SEC63: variants seen among roughly 807,000 people sequenced by gnomAD.
SEC63 encodes translocation protein SEC63 homolog.
A neutral mutation model predicts 116.2 loss-of-function variants in SEC63; 56 were observed. The observed-to-expected ratio is 0.48, with a 90% CI of 0.39 to 0.60. SEC63 has a LOEUF of 0.60. Ranked by LOEUF, SEC63 falls within the 20% of genes least tolerant of loss-of-function variation. The pLI is 0.00. For missense variants in SEC63, 668 were observed against 900.0 expected (o/e 0.74, Z 3.30); for synonymous variants, 273 against 294.6 (o/e 0.93, Z 0.75).
rs543723846 is a variant in SEC63 at position 107,886,763 on chromosome 6, T to C, written c.1675-3617A>G. Among the ~76,000 whole-genome samples the C allele has an allele frequency of 6.1e-4, 93 of 152,270 alleles. No homozygotes were observed. The South Asian group carries it at 6.4e-3, about 11-fold the overall frequency. On this transcript the variant is annotated intron_variant, in intron 16 of 20. Coordinates refer to ENST00000369002, the MANE Select transcript of SEC63 (RefSeq NM_007214.5). Reference sequence around the variant, plus strand: ...TTGTAGATTCTGGCTATCAGCCCTGTGTCAGATGGATAGATTATAAAAACT... The same window carrying C: ...TTGTAGATTCTGGCTATCAGCCCTGCGTCAGATGGATAGATTATAAAAACT...
In SEC63 at chr6:107,902,716, TTA is replaced by T. The variant is rs912091702; in HGVS notation, c.1209+126_1209+127del. ...TAACAGAACCACCTGAGAGAAAGTT[TTA>T]GAGTATTTAAGACATTCTAAATCTA... On this transcript the variant is annotated intron_variant, in intron 12 of 20. Coordinates refer to ENST00000369002, the MANE Select transcript of SEC63 (RefSeq NM_007214.5). 81 of 878,984 alleles carry T rather than the reference TTA, an allele frequency of 9.2e-5. No individual in the cohort carries two copies. In the Admixed American group the frequency reaches 1.6e-3, roughly 18 times the overall value. The allele number at this position is 878,984 out of a possible 1,614,324, so 54.4% of individuals were successfully genotyped here. A position where few individuals can be genotyped will look rare whatever the true frequency, so the allele number is the denominator to read the frequency against.
At chr6:107,918,562 C>T (rs954494074) in intron 4 of SEC63, among the ~76,000 whole-genome samples, 4 of 151,832 alleles carry the variant, frequency 2.6e-5, no homozygotes, top group Non-Finnish European at 5.9e-5. Flanking sequence ...CATGGTGGTG[C>T]ATGCCTGTAG....
intron 1 of SEC63, among the ~76,000 whole-genome samples, chr6:107,940,843 C>A (rs778719854): frequency 6.7e-6 from 1 of 149,164 alleles, no homozygotes; most frequent in Non-Finnish European, 1.5e-5. Flanking sequence ...TTACCTGGGA[C>A]GCGGGGAGGG....
Position 107,929,502 on chromosome 6 carries a change from A to T in SEC63, c.137T>A (p.Leu46Ter), listed in dbSNP as rs1252106849. 6.3e-7 allele frequency: 1 copy of T among 1,592,556 alleles called. No individual in the cohort carries two copies. The highest frequency in any genetic ancestry group is 8.6e-7 in the Non-Finnish European group (1 of 1,160,784). Reference sequence around the variant, plus strand: ...TCCATATACTTTTCTGATATTCTTTAATCGAATTTGCTCTGTCAAGAAAGA... The same window carrying T: ...TCCATATACTTTTCTGATATTCTTTTATCGAATTTGCTCTGTCAAGAAAGA... ...PRDQNAEQIR[L>*]KNIRKVYGRC... Residue 46 changes from leucine (L) to a stop codon, truncating the protein, a stop_gained, in exon 2 of 21, where the codon TTA becomes TAA. Transcript: ENST00000369002. LOFTEE classifies it high-confidence loss of function.
At chr6:107,928,262 C>T (rs1171715741) in intron 2 of SEC63, among the ~76,000 whole-genome samples, 1 of 152,050 alleles carries the variant, frequency 6.6e-6, no homozygotes, top group African/African-American at 2.4e-5. Context: ...GCAGGCAGAC[C>T]ACTTGAGCCC....
chr6:107,892,541 G>GACCT (rs1384499164), intron 16 of SEC63, among the ~76,000 whole-genome samples: 1 of 152,002 alleles, frequency 6.6e-6, no homozygotes, highest in Non-Finnish European at 1.5e-5. Context: ...GATGAAAGAT[G>GACCT]ACCTCACTGA....
rs574556321 is a variant in SEC63, at chr6:107,914,740, T to C, written c.453-1313A>G. Among the ~76,000 whole-genome samples the C allele has an allele frequency of 1.5e-3, 228 of 152,308 alleles. 1 individual carries two copies. The highest frequency in any genetic ancestry group is 5.4e-3 in the African/African-American group (225 of 41,586). ...CAACTGTCCACCCAACTCAGAGTTTTAGCTTGTTTCTTTCACTATTGTCTT... is the reference window on the plus strand; with the variant it reads ...CAACTGTCCACCCAACTCAGAGTTTCAGCTTGTTTCTTTCACTATTGTCTT... On this transcript the variant is annotated intron_variant, in intron 4 of 20. Transcript: ENST00000369002.
At chr6:107,953,756 C>T (rs1424419399) in intron 1 of SEC63, among the ~76,000 whole-genome samples, 17 of 49,870 alleles carry the variant, frequency 3.4e-4, no homozygotes, top group African/African-American at 1.1e-3. Flanking sequence ...GGGGGTTCAG[C>T]CCCCCGCCCG....
chr6:107,903,479 T>C (rs1026400884), intron 11 of SEC63, among the ~76,000 whole-genome samples: 8 of 151,878 alleles, frequency 5.3e-5, no homozygotes, highest in Admixed American at 2.0e-4. Context: ...AGTGGGAGGA[T>C]TGCTTAAAGC....
intron 2 of SEC63, among the ~76,000 whole-genome samples, chr6:107,928,025 C>G (rs576021383): frequency 1.3e-5 from 2 of 152,188 alleles, no homozygotes; most frequent in African/African-American, 4.8e-5. Flanking sequence ...GGATTGTTTT[C>G]TGTCTTGCTG....
At chr6:107,906,854 C>T (rs1397562478) in intron 8 of SEC63, 77 bp from the exon 9 acceptor site, 9 of 1,116,182 alleles carry the variant, frequency 8.1e-6, no homozygotes, top group South Asian at 1.2e-5. Context: ...ACTTAATTCA[C>T]TTGAAAGTGA....
intron 17 of SEC63, 41 bp downstream of exon 17, chr6:107,882,947 T>C (rs997705930): frequency 3.8e-6 from 5 of 1,325,260 alleles, no homozygotes; most frequent in Admixed American, 3.4e-5. Context: ...ATCAGAGATA[T>C]AATTCCAATT....
At chr6:107,954,123 G>C (rs1770651595) in intron 1 of SEC63, among the ~76,000 whole-genome samples, 3 of 152,182 alleles carry the variant, frequency 2.0e-5, no homozygotes, top group African/African-American at 7.2e-5. Flanking sequence ...TCTGTACTAG[G>C]AAAAATTCTT....
At chr6:107,910,057 G>T (rs1787240267) in intron 7 of SEC63, among the ~76,000 whole-genome samples, 1 of 152,094 alleles carries the variant, frequency 6.6e-6, no homozygotes, top group South Asian at 2.1e-4. Flanking sequence ...ATGAATGTGT[G>T]TACATAAATT....
intron 13 of SEC63, 111 bp from the exon 14 acceptor site, chr6:107,897,842 C>G (rs2114434530): frequency 2.7e-6 from 2 of 750,618 alleles, no homozygotes; most frequent in South Asian, 2.9e-5. Flanking sequence ...GTATTTCAAG[C>G]ATATTATATT....
chr6:107,901,741 A>G (rs570414384), intron 12 of SEC63, among the ~76,000 whole-genome samples: 1 of 152,130 alleles, frequency 6.6e-6, no homozygotes, highest in South Asian at 2.1e-4. Flanking sequence ...ATACAGGCTT[A>G]TTTTTTTAAA....
chr6:107,910,662 T>A (rs1295345657), intron 7 of SEC63, among the ~76,000 whole-genome samples: 1 of 152,128 alleles, frequency 6.6e-6, no homozygotes, highest in Non-Finnish European at 1.5e-5. Flanking sequence ...TTTATACACA[T>A]CTGTCATGCA....
chr6:107,932,294 A>G (rs1787830050), intron 1 of SEC63: 1 of 152,204 alleles, frequency 6.6e-6, no homozygotes, highest in African/African-American at 2.4e-5. Context: ...TTTTTACCAT[A>G]TTAAAAAAAA....
At chr6:107,944,326 T>C (rs922129694) in intron 1 of SEC63, among the ~76,000 whole-genome samples, 5 of 152,196 alleles carry the variant, frequency 3.3e-5, no homozygotes, top group South Asian at 2.1e-4. Flanking sequence ...TGCATATTCA[T>C]AGAAAGATCT....
Sources: gnomAD v4.1 joint callset for allele counts (sites outside exome capture counted in the v4.1 genomes callset) on GRCh38, gnomAD v4.1.1 for gene constraint, MANE v1.5 for transcripts, NCBI Gene and HGNC (gene_info 2026-07-23, HGNC 2026-07-21) for gene names.